CRACR2A: variants seen among roughly 807,000 people sequenced by gnomAD.
CRACR2A encodes the protein EF-hand calcium-binding domain-containing protein 4B.
Under a neutral mutation model 90.5 loss-of-function variants are expected in CRACR2A, and 79 were observed. That is an observed-to-expected ratio of 0.87 (90% CI 0.73 to 1.05). CRACR2A has a LOEUF of 1.05. Ranked by LOEUF, CRACR2A falls within the 50% of genes least tolerant of loss-of-function variation. CRACR2A has a pLI of 0.00. For synonymous variants in CRACR2A, 338 were observed against 356.7 expected (o/e 0.95, Z 0.59); for missense variants, 823 against 897.2 (o/e 0.92, Z 1.06).
intron 2 of CRACR2A, among the ~76,000 whole-genome samples, chr12:3,717,603 T>C (rs1008835159): frequency 1.3e-5 from 2 of 152,238 alleles, no homozygotes; most frequent in African/African-American, 4.8e-5. Flanking sequence ...CACTTTTATA[T>C]GGTGCTTCAG....
chr12:3,686,595 G>C (rs1945558455), intron 4 of CRACR2A, among the ~76,000 whole-genome samples: 1 of 152,100 alleles, frequency 6.6e-6, no homozygotes, highest in African/African-American at 2.4e-5. Context: ...CCCTCTCCCA[G>C]CTGATGGAGT....
chr12:3,714,093 C>T (rs73033619), intron 2 of CRACR2A, among the ~76,000 whole-genome samples: 16,614 of 152,222 alleles, frequency 0.11, 1,032 homozygotes, highest in Middle Eastern at 0.19. Flanking sequence ...AGGAGGCTGG[C>T]CTCTGTGCCT....
chr12:3,670,162 G>T (rs1450067273), intron 7 of CRACR2A, among the ~76,000 whole-genome samples: 1 of 152,178 alleles, frequency 6.6e-6, no homozygotes, highest in Non-Finnish European at 1.5e-5. Context: ...CTAGCTACTG[G>T]TTACACACAG....
chr12:3,659,933 A>G (rs780116144), intron 7 of CRACR2A, among the ~76,000 whole-genome samples: 3 of 152,020 alleles, frequency 2.0e-5, no homozygotes, highest in Non-Finnish European at 4.4e-5. Flanking sequence ...GATGATCCCT[A>G]TGCTCCTCGG....
chr12:3,631,595 C>T (rs1043215968), intron 15 of CRACR2A, among the ~76,000 whole-genome samples: 1 of 152,258 alleles, frequency 6.6e-6, no homozygotes, highest in African/African-American at 2.4e-5. Context: ...CCAGGCTCTT[C>T]TGAGCTTGGT....
intron 2 of CRACR2A, among the ~76,000 whole-genome samples, chr12:3,723,670 C>G (rs1007373594): frequency 6.6e-6 from 1 of 152,024 alleles, no homozygotes; most frequent in Non-Finnish European, 1.5e-5. Context: ...GAGGCCAGGC[C>G]TTTCTCTCTC....
intron 17 of CRACR2A, among the ~76,000 whole-genome samples, chr12:3,622,037 T>G (rs1252945713): frequency 6.6e-6 from 1 of 152,146 alleles, no homozygotes; most frequent in Admixed American, 6.5e-5. Context: ...CTCTCTGACT[T>G]TGACCCCAAA....
At chr12:3,743,597 C>T (rs1005938676) in intron 1 of CRACR2A, among the ~76,000 whole-genome samples, 3 of 152,204 alleles carry the variant, frequency 2.0e-5, no homozygotes, top group Non-Finnish European at 4.4e-5. Flanking sequence ...TGTGAACCCA[C>T]ACAAGTTGTT....
At chr12:3,725,239 T>A (rs1946242655) in intron 2 of CRACR2A, among the ~76,000 whole-genome samples, 1 of 152,142 alleles carries the variant, frequency 6.6e-6, no homozygotes, top group South Asian at 2.1e-4. Flanking sequence ...AAACCAGGTG[T>A]CTTAAAACAA....
chr12:3,666,692 CT>C (rs1272245145), intron 7 of CRACR2A, among the ~76,000 whole-genome samples: 4 of 152,380 alleles, frequency 2.6e-5, no homozygotes, highest in Non-Finnish European at 5.9e-5. Flanking sequence ...ATCACTGGAG[CT>C]CCAGCTAACG....
chr12:3,721,395 A>G (rs948031500), intron 2 of CRACR2A, among the ~76,000 whole-genome samples: 2 of 144,184 alleles, frequency 1.4e-5, no homozygotes, highest in Non-Finnish European at 3.1e-5. Context: ...AAGAAAGAAA[A>G]GAAAGAAAGA....
In CRACR2A at chr12:3,648,598, C is replaced by CACACGGT. The variant is rs749083509; in HGVS notation, c.1055_1061dup (p.Thr355ProfsTer9). 6.2e-6 allele frequency: 10 copies of CACACGGT among 1,613,928 alleles called. No homozygotes were observed. In the African/African-American group the frequency reaches 8.0e-5, roughly 13 times the overall value. On this transcript the variant is annotated frameshift_variant, in exon 11 of 20. Transcript: ENST00000440314. LOFTEE classifies it high-confidence loss of function. ...CCTTCTCACGCTGTAGACTCTCCGT[C>CACACGGT]ACACGGTACACTTCCCTGAGGAGGA...
chr12:3,671,878 T>C (rs1046415139), intron 7 of CRACR2A, among the ~76,000 whole-genome samples: 1 of 152,242 alleles, frequency 6.6e-6, no homozygotes, highest in African/African-American at 2.4e-5. Context: ...ACTGTCCCTA[T>C]CTTACAGATA....
chr12:3,747,532 A>G (rs530282415), intron 1 of CRACR2A, among the ~76,000 whole-genome samples: 2 of 152,368 alleles, frequency 1.3e-5, no homozygotes, highest in Admixed American at 1.3e-4. Flanking sequence ...CCATTTACCA[A>G]GAGAACTCTG....
intron 4 of CRACR2A, among the ~76,000 whole-genome samples, chr12:3,681,226 C>A (rs1247920994): frequency 1.3e-5 from 2 of 152,214 alleles, no homozygotes; most frequent in Admixed American, 1.3e-4. Flanking sequence ...GGCCCCGAGT[C>A]CAGGTTCCAC....
chr12:3,747,570 C>T (rs1175499898), intron 1 of CRACR2A, among the ~76,000 whole-genome samples: 1 of 152,220 alleles, frequency 6.6e-6, no homozygotes, highest in African/African-American at 2.4e-5. Flanking sequence ...GACCTCAATG[C>T]TGAGCAATCT....
At chr12:3,637,726 AC>A (rs1944481991) in intron 14 of CRACR2A, among the ~76,000 whole-genome samples, 1 of 151,836 alleles carries the variant, frequency 6.6e-6, no homozygotes, top group Non-Finnish European at 1.5e-5. Flanking sequence ...GTATGACCCG[AC>A]CCCGGCCAAT....
intron 3 of CRACR2A, among the ~76,000 whole-genome samples, chr12:3,707,179 T>C (rs1422637584): frequency 6.6e-6 from 1 of 152,064 alleles, no homozygotes; most frequent in Admixed American, 6.5e-5. Flanking sequence ...GCCTTTGAAA[T>C]GCGCAGTCTT....
At chr12:3,727,960 G>C (rs1269574809) in intron 2 of CRACR2A, 1 of 152,192 alleles carries the variant, frequency 6.6e-6, no homozygotes, top group South Asian at 2.1e-4. Context: ...GGCCCAAGAG[G>C]GTAGGCCAAC....
Sources: gnomAD v4.1 joint callset for allele counts (sites outside exome capture counted in the v4.1 genomes callset) on GRCh38, gnomAD v4.1.1 for gene constraint, MANE v1.5 for transcripts, NCBI Gene and HGNC (gene_info 2026-07-23, HGNC 2026-07-21) for gene names.